The following DIP2C variants were observed in gnomAD, a reference collection of about 807,000 sequenced individuals.
DIP2C encodes the protein DIP2 acetate--CoA ligase C (putative).
DIP2C carries 33 observed loss-of-function variants against 192.4 expected under a neutral mutation model. The observed-to-expected ratio is 0.17, with a 90% CI of 0.13 to 0.23. The LOEUF (loss-of-function observed/expected upper bound fraction) is 0.23. DIP2C is among the 10% of genes least tolerant of loss of function. The pLI is 1.00. For missense variants in DIP2C, 1,537 were observed against 2,110.1 expected (o/e 0.73, Z 5.32); for synonymous variants, 979 against 864.1 (o/e 1.13, Z -2.33).
At position 360,824 on chromosome 10, in the gene DIP2C, T is replaced by C. The variant is rs375617414; in HGVS notation, c.2794+1666A>G. On this transcript the variant is annotated intron_variant, in intron 22 of 36. Transcript: ENST00000280886. ...TGAATTCATGCAGTAAGAAAGGCAA[T>C]TTGGGTGTCAATAGGCTGTCTCTGT... Among the ~76,000 whole-genome samples the C allele has an allele frequency of 3.9e-5, 6 of 152,206 alleles. No homozygotes were observed. The East Asian group carries it at 9.6e-4, about 24-fold the overall frequency.
At chr10:670,145 T>C (rs746792924) in intron 1 of DIP2C, among the ~76,000 whole-genome samples, 1 of 152,030 alleles carries the variant, frequency 6.6e-6, no homozygotes, top group Non-Finnish European at 1.5e-5. Flanking sequence ...CATACACGTG[T>C]ACACATATGC....
At chr10:590,408 T>G (rs1851330200) in intron 1 of DIP2C, among the ~76,000 whole-genome samples, 1 of 152,242 alleles carries the variant, frequency 6.6e-6, no homozygotes, top group African/African-American at 2.4e-5. Flanking sequence ...ACTGAGCATC[T>G]TCTCCCAGAG....
intron 1 of DIP2C, among the ~76,000 whole-genome samples, chr10:569,178 A>G (rs1849632798): frequency 6.6e-6 from 1 of 152,230 alleles, no homozygotes; most frequent in South Asian, 2.1e-4. Context: ...AAGAATATGC[A>G]GAGACTTCCG....
chr10:350,700 G>A (rs562214095), intron 24 of DIP2C, among the ~76,000 whole-genome samples: 22 of 148,510 alleles, frequency 1.5e-4, no homozygotes, highest in Non-Finnish European at 2.5e-4. Flanking sequence ...GTGCAGTGGC[G>A]CGATCTCAGC....
At chr10:415,729 G>T (rs200531806) in intron 7 of DIP2C, 40 bp downstream of exon 7, 42 of 1,610,570 alleles carry the variant, frequency 2.6e-5, no homozygotes, top group Non-Finnish European at 3.1e-5. Flanking sequence ...CGGGACCATA[G>T]GAGCATCTGG....
chr10:620,581 C>T (rs1853793486), intron 1 of DIP2C, among the ~76,000 whole-genome samples: 1 of 152,224 alleles, frequency 6.6e-6, no homozygotes, highest in African/African-American at 2.4e-5. Flanking sequence ...AAAGAAACCA[C>T]TAACCACAGC....
At chr10:598,212 A>AAGGGCCACG (rs1381608519) in intron 1 of DIP2C, among the ~76,000 whole-genome samples, 4 of 151,908 alleles carry the variant, frequency 2.6e-5, no homozygotes, top group Admixed American at 6.5e-5. Context: ...GGCCACCACC[A>AAGGGCCACG]AGGGCCACGA....
At chr10:350,798 C>T (rs550040252) in intron 24 of DIP2C, among the ~76,000 whole-genome samples, 1 of 152,212 alleles carries the variant, frequency 6.6e-6, no homozygotes, top group South Asian at 2.1e-4. Flanking sequence ...AGATGCACAC[C>T]AACACGCCCA....
intron 14 of DIP2C, among the ~76,000 whole-genome samples, chr10:387,454 G>A (rs1213380490): frequency 6.6e-6 from 1 of 152,012 alleles, no homozygotes; most frequent in Non-Finnish European, 1.5e-5. Flanking sequence ...TGGACAGACA[G>A]TGAGGGGAGG....
intron 1 of DIP2C, among the ~76,000 whole-genome samples, chr10:592,627 T>TTA (rs1268263193): frequency 6.6e-6 from 1 of 152,166 alleles, no homozygotes; most frequent in African/African-American, 2.4e-5. Context: ...CAGAAACTAA[T>TTA]TAGCAACCCT....
chr10:491,228 G>T (rs1280121191), intron 1 of DIP2C, among the ~76,000 whole-genome samples: 2 of 152,234 alleles, frequency 1.3e-5, no homozygotes, highest in East Asian at 3.8e-4. Context: ...CCACAGAGCT[G>T]CTTCCACAGC....
At chr10:580,763 C>T (rs1022977108) in intron 1 of DIP2C, among the ~76,000 whole-genome samples, 7 of 151,834 alleles carry the variant, frequency 4.6e-5, no homozygotes, top group African/African-American at 1.7e-4. Context: ...AGAAGTCATA[C>T]AAAGAGGGTT....
At chr10:427,105 T>C (rs1036566233) in intron 4 of DIP2C, among the ~76,000 whole-genome samples, 117 of 152,358 alleles carry the variant, frequency 7.7e-4, no homozygotes, top group African/African-American at 2.5e-3. Context: ...TCTATTATCC[T>C]ACAGATGGAG....
rs181882824 is a variant in DIP2C at position 681,146 on chromosome 10, G to A, written c.85+8348C>T. ...AGGAATGCAGACCCTCAGTCCCATG[G>A]TGCAGCCACCACCTGTGGCCACAGA... is the stretch of plus-strand genomic sequence containing the variant. On this transcript the variant is annotated intron_variant, in intron 1 of 36. Coordinates refer to ENST00000280886, the MANE Select transcript of DIP2C (RefSeq NM_014974.3). Among the ~76,000 whole-genome samples, 146 of 152,240 alleles carry A rather than the reference G, an allele frequency of 9.6e-4. 1 individual carries two copies. Among genetic ancestry groups the A allele is most frequent in the Admixed American group, 9.8e-4 (15 of 15,292 alleles).
intron 1 of DIP2C, among the ~76,000 whole-genome samples, chr10:527,839 T>TCC (rs1203846626): frequency 6.6e-6 from 1 of 152,186 alleles, no homozygotes; most frequent in Non-Finnish European, 1.5e-5. Flanking sequence ...TAATCAGCCA[T>TCC]CCTTCCCGTC....
chr10:517,031 G>A (rs1846408164), intron 1 of DIP2C, among the ~76,000 whole-genome samples: 1 of 151,734 alleles, frequency 6.6e-6, no homozygotes, highest in Admixed American at 6.6e-5. Flanking sequence ...CACTGTGGGG[G>A]TTTTTAAAAG....
At chr10:337,694 C>CTG (rs1290027375) in intron 29 of DIP2C, among the ~76,000 whole-genome samples, 3 of 53,570 alleles carry the variant, frequency 5.6e-5, no homozygotes, top group Non-Finnish European at 1.2e-4. Flanking sequence ...GCCTAGGCAG[C>CTG]TGTGTGTGTG....
chr10:441,737 T>A (rs1194890951), intron 3 of DIP2C, among the ~76,000 whole-genome samples: 1 of 152,222 alleles, frequency 6.6e-6, no homozygotes, highest in Non-Finnish European at 1.5e-5. Context: ...TTATTCCCAG[T>A]CTTGGGTATG....
intron 3 of DIP2C, among the ~76,000 whole-genome samples, chr10:443,501 T>C (rs983279240): frequency 6.6e-6 from 1 of 152,182 alleles, no homozygotes; most frequent in Non-Finnish European, 1.5e-5. Context: ...CCGGGTGTGC[T>C]GTCACTGGGG....
Sources: allele counts gnomAD v4.1 joint callset (sites outside exome capture counted in the v4.1 genomes callset), GRCh38; gene constraint gnomAD v4.1.1; transcripts MANE v1.5; gene names NCBI Gene and HGNC (gene_info 2026-07-23, HGNC 2026-07-21).